Variants in AR observed in about 807,000 individuals in gnomAD.
The protein encoded by AR is dihydrotestosterone receptor.
AR carries 8 observed loss-of-function variants against 53.9 expected under a neutral mutation model. The observed-to-expected ratio is 0.15, with a 90% CI of 0.09 to 0.27. The LOEUF (loss-of-function observed/expected upper bound fraction) is 0.27, where lower values mean the gene tolerates loss of function less well. Ranked by LOEUF, AR falls within the 10% of genes least tolerant of loss-of-function variation. The pLI, the probability that AR is intolerant of heterozygous loss-of-function variation, is 1.00. For synonymous variants in AR, 359 were observed against 316.4 expected, an observed-to-expected ratio of 1.13 and a Z score of -1.43; for missense variants, 639 against 742.5, an observed-to-expected ratio of 0.86 and a Z score of 1.62.
At chrX:67,612,673 G>A (rs942047572) in intron 1 of AR, among the ~76,000 whole-genome samples, 1 of 112,110 alleles carries the variant, frequency 8.9e-6, no homozygotes, top group African/African-American at 3.2e-5. Context: ...TGAAACAACC[G>A]TTTAACTAGT....
intron 3 of AR, chrX:67,695,855 C>A: frequency 1.3e-6 from 1 of 752,773 alleles, no homozygotes; most frequent in Non-Finnish European, 1.6e-6. Context: ...ACTTCTTTCT[C>A]TTTCCCCTGA....
intron 1 of AR, among the ~76,000 whole-genome samples, chrX:67,561,860 A>G (rs1921326463): frequency 9.4e-6 from 1 of 106,373 alleles, no homozygotes; most frequent in East Asian, 3.2e-4. Flanking sequence ...AAGAAGTTAG[A>G]TGTTTTTCTG....
chrX:67,664,432 A>G (rs773216603), intron 2 of AR, among the ~76,000 whole-genome samples: 1 of 111,767 alleles, frequency 8.9e-6, no homozygotes, highest in African/African-American at 3.2e-5. Context: ...AGAACAGTGG[A>G]TATTGGTGAA....
chrX:67,662,557 C>G (rs1472986227), intron 2 of AR, among the ~76,000 whole-genome samples: 1 of 109,881 alleles, frequency 9.1e-6, no homozygotes, highest in Non-Finnish European at 1.9e-5. Flanking sequence ...GTCTGAGAGA[C>G]AGTTTGTTAT....
chrX:67,604,453 A>G lies in AR; in HGVS notation c.1617-38803A>G, dbSNP rs572834172. Among the ~76,000 whole-genome samples, 56 of 110,807 alleles carry G rather than the reference A, an allele frequency of 5.1e-4. No homozygotes were observed. In the South Asian group the frequency reaches 0.019, roughly 38 times the overall value. ...TGCCCGAAGGTTACTTTTGGGGTTC[A>G]TGTTTGTTCTAAGTCTATGCTAATG... On this transcript the variant is annotated intron_variant, in intron 1 of 7. Transcript: ENST00000374690.
At chrX:67,555,195 A>T (rs1930149366) in intron 1 of AR, among the ~76,000 whole-genome samples, 2 of 111,377 alleles carry the variant, frequency 1.8e-5, no homozygotes, top group South Asian at 3.8e-4. Flanking sequence ...AGATATTTTA[A>T]AAAAAAAGAG....
At chrX:67,640,835 A>G (rs1403069491) in intron 1 of AR, among the ~76,000 whole-genome samples, 1 of 111,533 alleles carries the variant, frequency 9.0e-6, no homozygotes, top group Non-Finnish European at 1.9e-5. Flanking sequence ...TCCTTTACCC[A>G]TACATACATT....
At chrX:67,678,322 A>G (rs2075912717) in intron 2 of AR, among the ~76,000 whole-genome samples, 1 of 112,015 alleles carries the variant, frequency 8.9e-6, no homozygotes. Flanking sequence ...ATTCTTAAAA[A>G]TAGTTTACTA....
At chrX:67,693,223 T>C (rs1241122973) in intron 3 of AR, among the ~76,000 whole-genome samples, 1 of 112,442 alleles carries the variant, frequency 8.9e-6, no homozygotes, top group African/African-American at 3.2e-5. Flanking sequence ...TTTTAAAGTG[T>C]AATAGCAATA....
At chrX:67,712,514 A>C (rs997342785) in intron 4 of AR, among the ~76,000 whole-genome samples, 3 of 112,492 alleles carry the variant, frequency 2.7e-5, no homozygotes, top group Non-Finnish European at 5.6e-5. Context: ...GAGATCCTCT[A>C]TCCAATGATT....
chrX:67,592,159 A>G (rs1448599701), intron 1 of AR, among the ~76,000 whole-genome samples: 1 of 112,077 alleles, frequency 8.9e-6, no homozygotes, highest in Non-Finnish European at 1.9e-5. Context: ...TTGAGTGTTC[A>G]TTGAAATTAG....
intron 1 of AR, among the ~76,000 whole-genome samples, chrX:67,586,541 A>T (rs768283018): frequency 4.5e-5 from 5 of 112,169 alleles, no homozygotes; most frequent in Non-Finnish European, 9.4e-5. Context: ...CATCTCTGGA[A>T]CTCATGCCCT....
At chrX:67,608,612 G>A (rs745717569) in intron 1 of AR, among the ~76,000 whole-genome samples, 2 of 111,763 alleles carry the variant, frequency 1.8e-5, no homozygotes, top group African/African-American at 3.2e-5. Flanking sequence ...TTTGTAACAT[G>A]AGTTGAAATT....
At chrX:67,656,110 C>G (rs750512146) in intron 2 of AR, among the ~76,000 whole-genome samples, 11 of 111,914 alleles carry the variant, frequency 9.8e-5, no homozygotes, top group Non-Finnish European at 1.9e-4. Context: ...GGCCCTGTCC[C>G]CTAGCTAGAG....
At chrX:67,625,758 A>G (rs1165329117) in intron 1 of AR, among the ~76,000 whole-genome samples, 1 of 111,966 alleles carries the variant, frequency 8.9e-6, no homozygotes, top group Non-Finnish European at 1.9e-5. Context: ...AAATGATCTC[A>G]TGGTGTATCA....
At position 67,728,601 on chromosome X, in the gene AR, A is replaced by ATATATATC. The variant is rs1420518362; in HGVS notation, c.*4767_*4768insCTATATAT. On this transcript the variant is annotated 3_prime_UTR_variant, in exon 8 of 8. Transcript: ENST00000374690. Reference sequence around the variant, plus strand: ...TATATATATATATATATATATATATATATATATATATATAGTGTGTGTGTG... The same window carrying ATATATATC: ...TATATATATATATATATATATATATATATATATCTATATATATATATAGTGTGTGTGTG... 1 of 93,011 alleles carries ATATATATC rather than the reference A, an allele frequency of 1.1e-5. No homozygotes were observed. Among genetic ancestry groups the ATATATATC allele is most frequent in the Non-Finnish European group, 2.1e-5 (1 of 47,377 alleles). The allele number at this position is 93,011 out of a possible 1,213,427, so 7.7% of individuals were successfully genotyped here.
At chrX:67,579,183 T>C (rs1276547302) in intron 1 of AR, among the ~76,000 whole-genome samples, 1 of 112,016 alleles carries the variant, frequency 8.9e-6, no homozygotes, top group Non-Finnish European at 1.9e-5. Context: ...ATATCAGGCA[T>C]AGTAGCAACG....
At position 67,546,612 on chromosome X, in the gene AR, G is replaced by T. The variant is rs2147322550; in HGVS notation, c.1466G>T (p.Gly489Val). ...TACGGCTACACTCGGCCCCCTCAGGGGCTGGCGGGCCAGGAAAGCGACTTC... is the reference window on the plus strand; with the variant it reads ...TACGGCTACACTCGGCCCCCTCAGGTGCTGGCGGGCCAGGAAAGCGACTTC... Reference protein sequence around the residue: ...APYGYTRPPQGLAGQESDFTA... With the variant: ...APYGYTRPPQVLAGQESDFTA... The change falls in exon 1 of 8, where the codon GGG (glycine) becomes GTG (valine). Residue 489 changes from glycine (G) to valine (V), a missense_variant. By Grantham distance (109) the Gly-to-Val change is moderately radical (BLOSUM62 -3). Transcript: ENST00000374690. The T allele has an allele frequency of 1.7e-6, 2 of 1,187,735 alleles. No individual in the cohort carries two copies. The highest frequency in any genetic ancestry group is 2.3e-6 in the Non-Finnish European group (2 of 883,497).
chrX:67,699,370 C>G (rs1048261889), intron 3 of AR, among the ~76,000 whole-genome samples: 8 of 112,110 alleles, frequency 7.1e-5, no homozygotes, highest in African/African-American at 2.6e-4. Flanking sequence ...TCCTTTCTGG[C>G]TACCAGCCAA....
Sources: gnomAD v4.1 joint callset for allele counts (sites outside exome capture counted in the v4.1 genomes callset) on GRCh38, gnomAD v4.1.1 for gene constraint, MANE v1.5 for transcripts, NCBI Gene and HGNC (gene_info 2026-07-23, HGNC 2026-07-21) for gene names.